Variants in ARHGEF11 observed in about 807,000 individuals in gnomAD.
ARHGEF11 encodes Rho guanine exchange factor (GEF) 11.
Under a neutral mutation model 193.7 loss-of-function variants are expected in ARHGEF11, and 55 were observed. The ratio of observed to expected loss-of-function variants is 0.28; its 90% CI spans 0.23 to 0.36. ARHGEF11 has a LOEUF of 0.36. Among genes scored for constraint, ARHGEF11 ranks in the 10% least tolerant of loss-of-function variants. The pLI, the probability that ARHGEF11 is intolerant of heterozygous loss-of-function variation, is 1.00. For missense variants in ARHGEF11, 1,723 were observed against 2,005.6 expected (o/e 0.86, Z 2.69); for synonymous variants, 693 against 768.0 (o/e 0.90, Z 1.62).
In ARHGEF11 at chr1:156,947,030, GAACA is replaced by G; in HGVS notation, c.2489-19_2489-16del. On this transcript the variant is annotated splice_polypyrimidine_tract_variant and intron_variant, in intron 26 of 40. Coordinates refer to ENST00000368194, the MANE Select transcript of ARHGEF11 (RefSeq NM_198236.3). The stretch of plus-strand genomic sequence containing the variant: ...ACACCAGGAATCTGGGGCAGGAAGA[GAACA>G]AATAGAAATGCCTGGGGTTGAGCTC... The G allele has an allele frequency of 6.2e-7, 1 of 1,614,114 alleles. No homozygotes were observed. Among genetic ancestry groups the G allele is most frequent in the East Asian group, 2.2e-5 (1 of 44,886 alleles).
At chr1:157,013,126 C>G (rs1322654685) in intron 1 of ARHGEF11, among the ~76,000 whole-genome samples, 1 of 152,070 alleles carries the variant, frequency 6.6e-6, no homozygotes, top group Non-Finnish European at 1.5e-5. Flanking sequence ...ATGCCTACAA[C>G]TGACTACCTC....
chr1:157,010,365 C>T (rs1018716740), intron 1 of ARHGEF11, among the ~76,000 whole-genome samples: 24 of 62,918 alleles, frequency 3.8e-4, no homozygotes, highest in Admixed American at 8.9e-4. Context: ...CTAAGGAGCC[C>T]ACACAAAAAA....
intron 1 of ARHGEF11, among the ~76,000 whole-genome samples, chr1:157,038,937 T>C (rs1672399336): frequency 6.6e-6 from 1 of 152,158 alleles, no homozygotes; most frequent in Non-Finnish European, 1.5e-5. Context: ...GAGGACCACC[T>C]GAGCCTGGGG....
In ARHGEF11 at chr1:156,978,312, C is replaced by T; in HGVS notation, c.402G>A (p.Gln134=). ...GGGGAGCTCCTGCTGGGGATGGGTC[C>T]TGCTGGAGCCCAGAGATGCCCATGG... ...PSSMGISGLQ[Q]DPSPAGAPRI... Residue 134 remains glutamine (Q), a synonymous_variant, in exon 6 of 41, where the codon CAG becomes CAA. Coordinates refer to ENST00000368194, the MANE Select transcript of ARHGEF11 (RefSeq NM_198236.3). 1 of 1,614,050 alleles carries T rather than the reference C, an allele frequency of 6.2e-7. No individual in the cohort carries two copies. Among genetic ancestry groups the T allele is most frequent in the Non-Finnish European group, 8.5e-7 (1 of 1,179,980 alleles).
chr1:156,996,207 A>T (rs1210667597), intron 1 of ARHGEF11, among the ~76,000 whole-genome samples: 2 of 152,220 alleles, frequency 1.3e-5, no homozygotes, highest in East Asian at 3.8e-4. Flanking sequence ...AAATTCTTCA[A>T]TGCCCCAGAT....
chr1:156,958,598 C>T, intron 17 of ARHGEF11, 144 bp downstream of exon 17: 1 of 1,162,546 alleles, frequency 8.6e-7, no homozygotes, highest in Non-Finnish European at 1.2e-6. Context: ...ACCAATGCAG[C>T]AGGAGTGCAG....
At chr1:157,028,487 T>G (rs1670919524) in intron 1 of ARHGEF11, among the ~76,000 whole-genome samples, 1 of 152,110 alleles carries the variant, frequency 6.6e-6, no homozygotes, top group South Asian at 2.1e-4. Flanking sequence ...TACCCCTAAT[T>G]ACCAGACTGG....
chr1:157,044,241 A>T, intron 1 of ARHGEF11, 58 bp downstream of exon 1: 1 of 1,517,342 alleles, frequency 6.6e-7, no homozygotes, highest in South Asian at 1.1e-5. Context: ...ATGCAACACC[A>T]CCCCTCCCAG....
intron 27 of ARHGEF11, 31 bp from the exon 28 acceptor site, chr1:156,946,818 C>G: frequency 6.2e-7 from 1 of 1,612,678 alleles, no homozygotes; most frequent in Non-Finnish European, 8.5e-7. Flanking sequence ...CGGGGCCAGG[C>G]ATCAAACCCC....
intron 1 of ARHGEF11, among the ~76,000 whole-genome samples, chr1:157,042,112 G>C (rs1672824696): frequency 6.6e-6 from 1 of 152,194 alleles, no homozygotes. Context: ...AGCTGGGGAT[G>C]TCTGAAGGGG....
chr1:157,040,208 G>T (rs774263028), intron 1 of ARHGEF11, among the ~76,000 whole-genome samples: 1 of 152,142 alleles, frequency 6.6e-6, no homozygotes, highest in Non-Finnish European at 1.5e-5. Context: ...GGGAACAAGG[G>T]TACATTTTGG....
At chr1:156,942,095 T>A in intron 33 of ARHGEF11, 106 bp from the exon 34 acceptor site, 2 of 1,555,860 alleles carry the variant, frequency 1.3e-6, no homozygotes, top group Non-Finnish European at 1.8e-6. Flanking sequence ...CTAAGAACCC[T>A]CTGCCTGGCA....
At position 156,939,769 on chromosome 1, in the gene ARHGEF11, G is replaced by C. The variant is rs552902806; in HGVS notation, c.3875C>G (p.Ser1292Cys). The change falls in exon 37 of 41, where the codon TCC (serine) becomes TGC (cysteine). Residue 1292 changes from serine (S) to cysteine (C), a missense_variant. This residue lies in a region of ARHGEF11 where 360 missense variants were observed against 344.4 expected (regional missense o/e 1.05). Transcript: ENST00000368194. ...SVTSHPWDPG[S>C]PGQAPPGGEG... ...ACCCCCAGGGGGTGCTTGCCCTGGG[G>C]AGCCTGGGTCCCAGGGGTGAGAGGT... The C allele has an allele frequency of 1.2e-6, 2 of 1,613,778 alleles. No homozygotes were observed. The highest frequency in any genetic ancestry group is 2.2e-5 in the East Asian group (1 of 44,886).
rs543298495 is a variant in ARHGEF11, at chr1:156,980,247, C to A, written c.273+190G>T. Among the ~76,000 whole-genome samples, 3 of 152,352 alleles carry A rather than the reference C, an allele frequency of 2.0e-5. No homozygotes were observed. In the South Asian group the frequency reaches 6.2e-4, roughly 32 times the overall value. ...GTCAAGAAAGGCCTAAAATGTAGAA[C>A]ACAGCTATCCTCCTCCTCACTCTCT... On this transcript the variant is annotated intron_variant, in intron 4 of 40. Transcript: ENST00000368194.
intron 1 of ARHGEF11, 61 bp downstream of exon 1, chr1:157,044,238 A>G (rs367623558): frequency 1.3e-5 from 19 of 1,510,848 alleles, no homozygotes; most frequent in Non-Finnish European, 1.6e-5. Flanking sequence ...AAAATGCAAC[A>G]CCACCCCTCC....
intron 1 of ARHGEF11, among the ~76,000 whole-genome samples, chr1:157,021,861 G>A (rs1670028046): frequency 6.6e-6 from 1 of 152,136 alleles, no homozygotes; most frequent in Non-Finnish European, 1.5e-5. Flanking sequence ...ATGACCAAGT[G>A]GGATTTATCC....
rs367885336 is a variant in ARHGEF11, at chr1:156,992,735, A to G, written c.33-6562T>C. 2.6e-5 allele frequency among the ~76,000 whole-genome samples: 4 copies of G among 152,252 alleles called. No individual in the cohort carries two copies. In the East Asian group the frequency reaches 7.7e-4, roughly 29 times the overall value. ...GAGCTTACGGTCTCACATAGAGACAATCAGCTGAAAATGAGTGGTGGCAGC... is the reference window on the plus strand; with the variant it reads ...GAGCTTACGGTCTCACATAGAGACAGTCAGCTGAAAATGAGTGGTGGCAGC... On this transcript the variant is annotated intron_variant, in intron 1 of 40. Coordinates refer to ENST00000368194, the MANE Select transcript of ARHGEF11 (RefSeq NM_198236.3).
intron 37 of ARHGEF11, chr1:156,938,753 C>T: frequency 2.1e-6 from 1 of 482,772 alleles, no homozygotes; most frequent in South Asian, 3.5e-5. Context: ...GACAGGTGGC[C>T]CTTGGGCAGA....
At chr1:156,974,579 G>A (rs1663003008) in intron 7 of ARHGEF11, among the ~76,000 whole-genome samples, 1 of 152,060 alleles carries the variant, frequency 6.6e-6, no homozygotes, top group Admixed American at 6.5e-5. Flanking sequence ...GTATATTCAC[G>A]GAGTTGTGCA....
Sources: gnomAD v4.1 joint callset for allele counts (sites outside exome capture counted in the v4.1 genomes callset) on GRCh38, gnomAD v4.1.1 for gene constraint, gnomAD v4.1.1 regional missense constraint, MANE v1.5 for transcripts, NCBI Gene and HGNC (gene_info 2026-07-23, HGNC 2026-07-21) for gene names.